Variants in MRAP observed in about 807,000 individuals in gnomAD.
The protein encoded by MRAP is melanocortin-2 receptor accessory protein.
In MRAP, 8 loss-of-function variants were observed where a neutral mutation model predicts 8.7. The observed-to-expected ratio is 0.92, with a 90% CI of 0.54 to 1.66. The LOEUF (loss-of-function observed/expected upper bound fraction) is 1.66, where lower values mean the gene tolerates loss of function less well. MRAP is among the 40% of genes most tolerant of loss of function. MRAP has a pLI of 0.00. For missense variants in MRAP, 237 were observed against 217.1 expected (o/e 1.09, Z -0.58); for synonymous variants, 95 against 95.5 (o/e 1.00, Z 0.03).
intron 1 of MRAP, among the ~76,000 whole-genome samples, chr21:32,300,553 C>T (rs2032241387): frequency 6.8e-6 from 1 of 147,408 alleles, no homozygotes; most frequent in African/African-American, 2.5e-5. Flanking sequence ...GTCACGTGTC[C>T]TATGTCAGAT....
In MRAP at chr21:32,302,589, G is replaced by T. The variant is rs145579670; in HGVS notation, c.106+3512G>T. Among the ~76,000 whole-genome samples, 58 of 152,324 alleles carry T rather than the reference G, an allele frequency of 3.8e-4. 1 individual carries two copies. In the East Asian group the frequency reaches 9.8e-3, roughly 26 times the overall value. On this transcript the variant is annotated intron_variant, in intron 1 of 2. Transcript: ENST00000303645. ...TCTACAGGACTGGGCTAGTGAGGTG[G>T]CTCCATGGAGTCCTTAGGAACTCAC...
In MRAP at chr21:32,311,936, C is replaced by T. The variant is rs751870972; in HGVS notation, c.459C>T (p.Leu153=). 1.5e-5 allele frequency: 24 copies of T among 1,613,550 alleles called. No homozygotes were observed. Among genetic ancestry groups the T allele is most frequent in the East Asian group, 2.2e-5 (1 of 44,890 alleles). The change falls in exon 3 of 3, where the codon CTC becomes CTT. Residue 153 remains leucine, a synonymous_variant. Transcript: ENST00000303645. ...LWELTLNGGP[L]VRSKPSEPPP... The stretch of plus-strand genomic sequence containing the variant: ...AACTGACCCTCAATGGGGGTCCCCT[C>T]GTCAGGAGCAAGCCCAGCGAGCCTC...
chr21:32,305,360 C>T (rs1425297264), intron 1 of MRAP, among the ~76,000 whole-genome samples: 6 of 152,238 alleles, frequency 3.9e-5, no homozygotes, highest in African/African-American at 1.2e-4. Flanking sequence ...TCTCAGGGGT[C>T]GTAGATGGCA....
chr21:32,299,052 C>A lies in MRAP; in HGVS notation c.81C>A (p.Asp27Glu). 1 of 1,614,016 alleles carries A rather than the reference C, an allele frequency of 6.2e-7. No homozygotes were observed. The highest frequency in any genetic ancestry group is 1.7e-4 in the Middle Eastern group (1 of 6,060). ...ACTATCTGGACCTCATTCCCGTGGACGAGAAGAAGCTGAAAGCCCACAAAC... is the reference window on the plus strand; with the variant it reads ...ACTATCTGGACCTCATTCCCGTGGAAGAGAAGAAGCTGAAAGCCCACAAAC... ...YLDYLDLIPV[D>E]EKKLKAHKHS... Residue 27 changes from aspartate (D) to glutamate (E), a missense_variant, in exon 1 of 3, where the codon GAC (aspartate) becomes GAA (glutamate). Transcript: ENST00000303645.
intron 1 of MRAP, among the ~76,000 whole-genome samples, chr21:32,302,721 G>A (rs2032319550): frequency 2.0e-5 from 3 of 152,328 alleles, no homozygotes; most frequent in East Asian, 1.9e-4. Flanking sequence ...GCAACATGGA[G>A]TAAGGGAATA....
At chr21:32,297,859 A>G (rs116906075), upstream of MRAP, among the ~76,000 whole-genome samples, 10 of 152,234 alleles carry the variant, frequency 6.6e-5, no homozygotes, top group East Asian at 1.9e-3. Context: ...CTACCCTCAA[A>G]GTGCTCCCCA....
upstream of MRAP, among the ~76,000 whole-genome samples, chr21:32,298,056 T>G (rs1196068806): frequency 6.6e-6 from 1 of 152,194 alleles, no homozygotes; most frequent in Non-Finnish European, 1.5e-5. Flanking sequence ...CTCCTAATTC[T>G]CAAAGGCTAA....
At chr21:32,295,062 T>C (rs1232037484), upstream of MRAP, among the ~76,000 whole-genome samples, 1 of 151,642 alleles carries the variant, frequency 6.6e-6, no homozygotes, top group Non-Finnish European at 1.5e-5. Flanking sequence ...AGATGATGGA[T>C]AGTGGTATCA....
At chr21:32,296,638 A>G (rs1368736710), upstream of MRAP, among the ~76,000 whole-genome samples, 1 of 152,170 alleles carries the variant, frequency 6.6e-6, no homozygotes, top group Non-Finnish European at 1.5e-5. Flanking sequence ...CTATAAACCT[A>G]TTGTTACTAT....
rs763527454 is a variant in MRAP at position 32,306,782 on chromosome 21, C to T, written c.206+43C>T. ...TGAGTCTGTGGGTCACTCAGACGCT[C>T]TCCAGTGAGTAACAGTGCAGGTTGA... On this transcript the variant is annotated intron_variant, in intron 2 of 2. Coordinates refer to ENST00000303645, the MANE Select transcript of MRAP (RefSeq NM_001379228.1). 2.1e-6 allele frequency: 3 copies of T among 1,457,146 alleles called. No individual in the cohort carries two copies. In the African/African-American group the frequency reaches 4.2e-5, roughly 20 times the overall value. 90.3% of individuals were successfully genotyped at this position (1,457,146 alleles called of 1,614,324 possible).
chr21:32,301,062 CAT>C (rs1454940242), intron 1 of MRAP, among the ~76,000 whole-genome samples: 2 of 151,208 alleles, frequency 1.3e-5, no homozygotes, highest in East Asian at 1.9e-4. Flanking sequence ...TATATCATAT[CAT>C]ATATCCATAT....
At chr21:32,300,742 GT>G (rs2032263706) in intron 1 of MRAP, among the ~76,000 whole-genome samples, 1 of 15,126 alleles carries the variant, frequency 6.6e-5, no homozygotes, top group African/African-American at 1.6e-4. Context: ...TCCTATGTCA[GT>G]GTGTCGTGCG....
intron 1 of MRAP, among the ~76,000 whole-genome samples, chr21:32,304,013 C>A (rs1601101784): frequency 6.6e-6 from 1 of 152,174 alleles, no homozygotes; most frequent in African/African-American, 2.4e-5. Flanking sequence ...AGGACTCAGA[C>A]AAGTGTCAGT....
chr21:32,304,967 T>TC (rs1356506131), intron 1 of MRAP, among the ~76,000 whole-genome samples: 1 of 50,138 alleles, frequency 2.0e-5, no homozygotes, highest in Non-Finnish European at 5.7e-5. Context: ...TTTTTGTTGT[T>TC]TTTTTTTTTT....
chr21:32,292,684 T>C (rs2032070110), intron 1 of MRAP, among the ~76,000 whole-genome samples: 1 of 152,082 alleles, frequency 6.6e-6, no homozygotes, highest in African/African-American at 2.4e-5. Context: ...CTCGAACTCC[T>C]GACCTCAGGT....
chr21:32,312,442 G>A, downstream of MRAP: 2 of 603,614 alleles, frequency 3.3e-6, no homozygotes, highest in Non-Finnish European at 4.6e-6. Context: ...TCCCCCAGAT[G>A]TGATGGCATC....
In MRAP at chr21:32,299,017, T is replaced by C; in HGVS notation, c.46T>C (p.Tyr16His). ...NASAPYYSYEYYLDYLDLIPV... is the reference protein window; with the variant it reads ...NASAPYYSYEHYLDYLDLIPV... ...CTCTGCCCCATACTACAGCTATGAA[T>C]ACTACCTGGACTATCTGGACCTCAT... The change falls in exon 1 of 3, where the codon TAC (tyrosine) becomes CAC (histidine). Residue 16 changes from tyrosine to histidine, a missense_variant. Tyr to His is a moderately conservative substitution (Grantham distance 83). Coordinates refer to ENST00000303645, the MANE Select transcript of MRAP (RefSeq NM_001379228.1). 6.2e-7 allele frequency: 1 copy of C among 1,614,190 alleles called. No individual in the cohort carries two copies.
intron 1 of MRAP, among the ~76,000 whole-genome samples, chr21:32,304,682 T>C (rs2032364383): frequency 6.6e-6 from 1 of 151,682 alleles, no homozygotes. Flanking sequence ...AAAAAACTCC[T>C]TTTAAGCTTA....
Position 32,292,349 on chromosome 21 carries a change from GC to G in MRAP, c.-151+501del, listed in dbSNP as rs376274382. ...TGTGAATTAATTATGCTTTCTCACT[GC>G]TTTTGCAAATGTTGAAATTATCTAT... On this transcript the variant is annotated intron_variant, in intron 1 of 4. Transcript: ENST00000399784. Among the ~76,000 whole-genome samples the G allele has an allele frequency of 3.1e-3, 468 of 152,324 alleles. 2 individuals are homozygous for G. The highest frequency in any genetic ancestry group is 0.011 in the African/African-American group (458 of 41,586).
Sources: gnomAD v4.1 joint callset for allele counts (sites outside exome capture counted in the v4.1 genomes callset) on GRCh38, gnomAD v4.1.1 for gene constraint, MANE v1.5 for transcripts, NCBI Gene and HGNC (gene_info 2026-07-23, HGNC 2026-07-21) for gene names.